The following ATRNL1 variants were observed in gnomAD, a reference collection of about 807,000 sequenced individuals.
ATRNL1 encodes attractin-like protein 1.
Under a neutral mutation model 182.7 loss-of-function variants are expected in ATRNL1, and 95 were observed. The ratio of observed to expected loss-of-function variants is 0.52; its 90% CI spans 0.44 to 0.62. ATRNL1 has a LOEUF of 0.62. Ranked by LOEUF, ATRNL1 falls within the 20% of genes least tolerant of loss-of-function variation. The pLI, the probability that ATRNL1 is intolerant of heterozygous loss-of-function variation, is 0.00. For missense variants in ATRNL1, 1,471 were observed against 1,679.5 expected, an observed-to-expected ratio of 0.88 and a Z score of 2.17; for synonymous variants, 576 against 568.3, an observed-to-expected ratio of 1.01 and a Z score of -0.19.
At chr10:115,499,482 T>C (rs1849708605) in intron 24 of ATRNL1, among the ~76,000 whole-genome samples, 1 of 152,202 alleles carries the variant, frequency 6.6e-6, no homozygotes, top group Admixed American at 6.5e-5. Flanking sequence ...GTTGAGGACA[T>C]GCACCTGTGA....
rs538626813 is a variant in ATRNL1 at position 115,367,565 on chromosome 10, A to G, written c.3176-27094A>G. 6.6e-4 allele frequency among the ~76,000 whole-genome samples: 100 copies of G among 152,152 alleles called. 2 individuals carry two copies. The South Asian group carries it at 0.02, about 30-fold the overall frequency. The stretch of plus-strand genomic sequence containing the variant: ...AGCTTTGTTCCGTTGCTGGTGAGGA[A>G]CTGCGTCCCTTTGGAGGAGGAGAGG... On this transcript the variant is annotated intron_variant, in intron 19 of 28. Coordinates refer to ENST00000355044, the MANE Select transcript of ATRNL1 (RefSeq NM_207303.4).
rs150191230 is a variant in ATRNL1, at chr10:115,866,409, G to A, written c.4018+18418G>A. On this transcript the variant is annotated intron_variant, in intron 28 of 28. Transcript: ENST00000355044. Reference sequence around the variant, plus strand: ...ACAAACAAAAACCACCATTTATCAGGTACTTACTGTGATTCAGTCACTATC... The same window carrying A: ...ACAAACAAAAACCACCATTTATCAGATACTTACTGTGATTCAGTCACTATC... 5.9e-3 allele frequency among the ~76,000 whole-genome samples: 897 copies of A among 152,218 alleles called. 1 individual carries two copies. Among genetic ancestry groups the A allele is most frequent in the Middle Eastern group, 0.014 (4 of 294 alleles).
chr10:115,492,586 TTATATATTA>T lies in ATRNL1; in HGVS notation c.3654+23269_3654+23277del, dbSNP rs201815579. On this transcript the variant is annotated intron_variant, in intron 24 of 28. Transcript: ENST00000355044. ...ATTTTATATTTATATTTCATTTACT[TTATATATTA>T]TATATATTATAATTCATTTCTTTTA... is the stretch of plus-strand genomic sequence containing the variant. 3.2e-3 allele frequency among the ~76,000 whole-genome samples: 476 copies of T among 148,034 alleles called. 1 individual carries two copies. The highest frequency in any genetic ancestry group is 9.8e-3 in the African/African-American group (402 of 40,920).
chr10:115,376,910 A>C (rs1240188645), intron 19 of ATRNL1, among the ~76,000 whole-genome samples: 2 of 151,896 alleles, frequency 1.3e-5, no homozygotes, highest in Non-Finnish European at 2.9e-5. Flanking sequence ...AAAAAGAATC[A>C]TTTTTTGTTT....
At chr10:115,476,261 T>C (rs1056364950) in intron 24 of ATRNL1, among the ~76,000 whole-genome samples, 2 of 151,404 alleles carry the variant, frequency 1.3e-5, no homozygotes, top group African/African-American at 4.8e-5. Flanking sequence ...TAGTTTTCGC[T>C]ATGGTCAGAG....
intron 28 of ATRNL1, among the ~76,000 whole-genome samples, chr10:115,920,448 C>T (rs1953015946): frequency 6.6e-6 from 1 of 152,162 alleles, no homozygotes; most frequent in Non-Finnish European, 1.5e-5. Context: ...GCAAGAGTAA[C>T]ATGAAGACTG....
intron 7 of ATRNL1, among the ~76,000 whole-genome samples, chr10:115,167,490 T>G (rs1847100755): frequency 1.3e-5 from 2 of 152,062 alleles, no homozygotes; most frequent in African/African-American, 4.8e-5. Context: ...TATGTATTTG[T>G]GGGATTCATA....
chr10:115,783,780 C>T (rs1251459172), intron 27 of ATRNL1, among the ~76,000 whole-genome samples: 2 of 152,058 alleles, frequency 1.3e-5, no homozygotes, highest in East Asian at 1.9e-4. Context: ...TTTGGGAGGC[C>T]GAGACGGGCA....
chr10:115,421,278 T>C (rs1202044499), intron 20 of ATRNL1, among the ~76,000 whole-genome samples: 1 of 152,096 alleles, frequency 6.6e-6, no homozygotes, highest in Non-Finnish European at 1.5e-5. Flanking sequence ...CTGATGGATA[T>C]AGATGCAAAA....
intron 24 of ATRNL1, among the ~76,000 whole-genome samples, chr10:115,476,563 GT>G (rs1554973153): frequency 6.6e-6 from 1 of 150,772 alleles, no homozygotes; most frequent in African/African-American, 2.4e-5. Flanking sequence ...TGAAATTGTA[GT>G]TTTTGTACAT....
intron 26 of ATRNL1, among the ~76,000 whole-genome samples, chr10:115,607,980 C>T (rs571970433): frequency 6.6e-6 from 1 of 151,890 alleles, no homozygotes; most frequent in East Asian, 1.9e-4. Context: ...CTAATTTCAC[C>T]TAGGAGGGTA....
intron 10 of ATRNL1, among the ~76,000 whole-genome samples, chr10:115,242,941 G>A (rs151134874): frequency 6.6e-6 from 1 of 152,092 alleles, no homozygotes; most frequent in Non-Finnish European, 1.5e-5. Flanking sequence ...TGGGTTGAAT[G>A]AAGTACTGAA....
rs570343516 is a variant in ATRNL1 at position 115,170,892 on chromosome 10, A to G, written c.1093-145A>G. The G allele has an allele frequency of 2.0e-4, 85 of 426,142 alleles. No homozygotes were observed. The East Asian group carries it at 2.7e-3, about 14-fold the overall frequency. The allele number at this position is 426,142 out of a possible 1,614,324, so 26.4% of individuals were successfully genotyped here. A position where few individuals can be genotyped will look rare whatever the true frequency, so the allele number is the denominator to read the frequency against. On this transcript the variant is annotated intron_variant, in intron 7 of 28. Transcript: ENST00000355044. ...TAGTTGTCATTATTCATGTGTTCTC[A>G]TTACTTTTTACAAATGAGAACAATG...
At chr10:115,374,312 T>C (rs1454745764) in intron 19 of ATRNL1, among the ~76,000 whole-genome samples, 1 of 151,736 alleles carries the variant, frequency 6.6e-6, no homozygotes, top group Non-Finnish European at 1.5e-5. Flanking sequence ...TTCATTGATC[T>C]TTTTTATTTT....
At chr10:115,871,937 T>C (rs1951595494) in intron 28 of ATRNL1, among the ~76,000 whole-genome samples, 1 of 152,208 alleles carries the variant, frequency 6.6e-6, no homozygotes, top group Admixed American at 6.5e-5. Context: ...CTTAAGTGTG[T>C]GTTCTCCCAT....
intron 28 of ATRNL1, among the ~76,000 whole-genome samples, chr10:115,878,644 C>T (rs1350357760): frequency 6.6e-6 from 1 of 152,140 alleles, no homozygotes; most frequent in Admixed American, 6.5e-5. Flanking sequence ...TGGGGATCTG[C>T]TTCATTTATA....
At chr10:115,608,306 G>A (rs1290621758) in intron 26 of ATRNL1, among the ~76,000 whole-genome samples, 1 of 151,980 alleles carries the variant, frequency 6.6e-6, no homozygotes, top group African/African-American at 2.4e-5. Flanking sequence ...GAGTCTTAAA[G>A]AGTAAAACGT....
chr10:115,190,743 A>T (rs1848137892), intron 8 of ATRNL1, among the ~76,000 whole-genome samples: 1 of 151,954 alleles, frequency 6.6e-6, no homozygotes, highest in Admixed American at 6.6e-5. Flanking sequence ...TTAGTTATTT[A>T]TTGCTTTTGC....
chr10:115,386,861 G>T (rs1428498930), intron 19 of ATRNL1, among the ~76,000 whole-genome samples: 1 of 124,036 alleles, frequency 8.1e-6, no homozygotes, highest in African/African-American at 3.2e-5. Context: ...TCCCCTTCCT[G>T]TGTCCATGTG....
Sources: allele counts gnomAD v4.1 joint callset (sites outside exome capture counted in the v4.1 genomes callset), GRCh38; gene constraint gnomAD v4.1.1; transcripts MANE v1.5; gene names NCBI Gene and HGNC (gene_info 2026-07-23, HGNC 2026-07-21).